The following ACTR3C variants were observed in gnomAD, a reference collection of about 807,000 sequenced individuals.
ACTR3C encodes actin-related protein 3C.
A neutral mutation model predicts 26.3 loss-of-function variants in ACTR3C; 18 were observed. That is an observed-to-expected ratio of 0.68 (90% CI 0.47 to 1.01). The LOEUF is 1.01. Ranked by LOEUF, ACTR3C falls within the 50% of genes least tolerant of loss-of-function variation. The probability of loss-of-function intolerance (pLI) is 0.00; values close to 1 mark genes in which losing one functional copy is unlikely to be tolerated. For synonymous variants in ACTR3C, 55 were observed against 94.5 expected (o/e 0.58, Z 2.42); for missense variants, 184 against 250.7 (o/e 0.73, Z 1.80).
the ACTR3C span, among the ~76,000 whole-genome samples, chr7:149,963,837 C>G: frequency 6.6e-6 from 1 of 152,192 alleles, no homozygotes; most frequent in African/African-American, 2.4e-5. Flanking sequence ...AAATAAAATA[C>G]CATTTCTAAG....
At chr7:150,309,024 G>C (rs1796054895) in intron 1 of ACTR3C, among the ~76,000 whole-genome samples, 1 of 152,136 alleles carries the variant, frequency 6.6e-6, no homozygotes, top group African/African-American at 2.4e-5. Context: ...GAGCGGGAAA[G>C]AGTTTATACC....
chr7:150,000,346 A>G, the ACTR3C span, among the ~76,000 whole-genome samples: 3 of 119,842 alleles, frequency 2.5e-5, no homozygotes, highest in Non-Finnish European at 5.2e-5. Context: ...ACTGATCCAT[A>G]ATCATTCTTA....
chr7:150,213,991 C>T, the ACTR3C span, among the ~76,000 whole-genome samples: 192 of 145,394 alleles, frequency 1.3e-3, no homozygotes, highest in African/African-American at 4.4e-3. Flanking sequence ...AGGCAGCCTC[C>T]AAATCTCTAG....
At chr7:150,216,991 A>G in the ACTR3C span, among the ~76,000 whole-genome samples, 1 of 148,128 alleles carries the variant, frequency 6.8e-6, no homozygotes, top group African/African-American at 2.6e-5. Context: ...TCTCAAAAAA[A>G]AAAAAAAAGA....
chr7:150,207,864 T>G, the ACTR3C span, among the ~76,000 whole-genome samples: 5 of 150,504 alleles, frequency 3.3e-5, no homozygotes, highest in Non-Finnish European at 4.4e-5. Context: ...AAATTTAGCC[T>G]AATTTAAAAT....
the ACTR3C span, among the ~76,000 whole-genome samples, chr7:149,966,239 A>C: frequency 2.6e-5 from 4 of 152,090 alleles, no homozygotes; most frequent in Admixed American, 6.5e-5. Context: ...CGCACTGGAG[A>C]AACAGAGGCT....
At chr7:149,985,077 C>T in the ACTR3C span, among the ~76,000 whole-genome samples, 1 of 152,112 alleles carries the variant, frequency 6.6e-6, no homozygotes, top group African/African-American at 2.4e-5. Context: ...CATATCCTCC[C>T]ATCAAGACAC....
intron 1 of ACTR3C, among the ~76,000 whole-genome samples, chr7:150,308,580 A>G (rs533035996): frequency 1.6e-4 from 24 of 151,958 alleles, no homozygotes; most frequent in Non-Finnish European, 3.4e-4. Flanking sequence ...CCGCTTCTTC[A>G]GTCTCTACCC....
At chr7:150,142,894 G>T in the ACTR3C span, among the ~76,000 whole-genome samples, 4 of 151,770 alleles carry the variant, frequency 2.6e-5, no homozygotes, top group African/African-American at 9.7e-5. Flanking sequence ...GAGTGCAGTG[G>T]TGTGATCTTG....
At chr7:150,123,333 AG>A in the ACTR3C span, among the ~76,000 whole-genome samples, 1 of 152,170 alleles carries the variant, frequency 6.6e-6, no homozygotes, top group African/African-American at 2.4e-5. Context: ...CTGGTGACCT[AG>A]AGACAGATGC....
the ACTR3C span, among the ~76,000 whole-genome samples, chr7:149,915,089 A>G: frequency 4.6e-5 from 7 of 152,134 alleles, no homozygotes; most frequent in Admixed American, 4.6e-4. Flanking sequence ...CATGTTGGCC[A>G]GGCTAGTCTG....
the ACTR3C span, among the ~76,000 whole-genome samples, chr7:150,067,798 G>GGGGGGGGTGGGGGATGGGGTC: frequency 8.4e-6 from 1 of 118,774 alleles, no homozygotes; most frequent in African/African-American, 2.9e-5. Flanking sequence ...GGGGGTGGTG[G>GGGGGGGGTGGGGGATGGGGTC]GGGGGGATGG....
At chr7:149,888,743 C>G in the ACTR3C span, among the ~76,000 whole-genome samples, 9 of 152,222 alleles carry the variant, frequency 5.9e-5, no homozygotes, top group Non-Finnish European at 1.5e-5. Flanking sequence ...CGTGGTGGCT[C>G]ACACCTGTAA....
the ACTR3C span, among the ~76,000 whole-genome samples, chr7:150,221,133 C>T: frequency 6.6e-6 from 1 of 152,268 alleles, no homozygotes; most frequent in Admixed American, 6.5e-5. Context: ...GTCAGTTGAG[C>T]AGGCGCTGCG....
chr7:150,157,992 G>C, the ACTR3C span, among the ~76,000 whole-genome samples: 1 of 152,172 alleles, frequency 6.6e-6, no homozygotes, highest in Non-Finnish European at 1.5e-5. Flanking sequence ...CAACTCAATA[G>C]TAAAGAATCA....
the ACTR3C span, among the ~76,000 whole-genome samples, chr7:150,034,914 T>C: frequency 7.3e-6 from 1 of 137,206 alleles, no homozygotes; most frequent in Non-Finnish European, 1.6e-5. Flanking sequence ...TCCCCCACCC[T>C]GCGATGGGGG....
the ACTR3C span, among the ~76,000 whole-genome samples, chr7:149,936,457 T>TCCTGCC: frequency 1.8e-4 from 28 of 152,196 alleles, no homozygotes; most frequent in African/African-American, 6.5e-4. Context: ...CCCATCCTGC[T>TCCTGCC]CATTTTAGCA....
the ACTR3C span, among the ~76,000 whole-genome samples, chr7:150,152,454 A>G: frequency 6.6e-6 from 1 of 152,138 alleles, no homozygotes; most frequent in Admixed American, 6.6e-5. Context: ...ATTGATTTGC[A>G]TATATTGAAC....
the ACTR3C span, among the ~76,000 whole-genome samples, chr7:149,936,811 C>G: frequency 3.3e-5 from 5 of 151,988 alleles, no homozygotes; most frequent in African/African-American, 1.2e-4. Context: ...ATTTTTGAGA[C>G]AGGATCTTGC....
Sources: allele counts gnomAD v4.1 joint callset (sites outside exome capture counted in the v4.1 genomes callset), GRCh38; gene constraint gnomAD v4.1.1; transcripts MANE v1.5; gene names NCBI Gene and HGNC (gene_info 2026-07-23, HGNC 2026-07-21).